The following TENM3 variants were observed in gnomAD, a reference collection of about 807,000 sequenced individuals.
The protein encoded by TENM3 is teneurin transmembrane protein 3.
In TENM3, 63 loss-of-function variants were observed where a neutral mutation model predicts 255.1. That is an observed-to-expected ratio of 0.25 (90% CI 0.20 to 0.30). TENM3 has a LOEUF of 0.30. Ranked by LOEUF, TENM3 falls within the 10% of genes least tolerant of loss-of-function variation. TENM3 has a pLI of 1.00. For synonymous variants in TENM3, 1,306 were observed against 1,322.3 expected (o/e 0.99, Z 0.27); for missense variants, 2,929 against 3,461.1 (o/e 0.85, Z 3.86).
At chr4:182,402,962 A>G (rs552039246) in intron 3 of TENM3, among the ~76,000 whole-genome samples, 1 of 152,316 alleles carries the variant, frequency 6.6e-6, no homozygotes, top group African/African-American at 2.4e-5. Flanking sequence ...ATGGAAATGT[A>G]TTTTTGTCCC....
the TENM3 span, among the ~76,000 whole-genome samples, chr4:182,043,570 A>G: frequency 6.6e-6 from 1 of 152,190 alleles, no homozygotes; most frequent in Non-Finnish European, 1.5e-5. Context: ...ATCATTACAC[A>G]AGCATACACT....
chr4:182,027,672 A>T, the TENM3 span, among the ~76,000 whole-genome samples: 1 of 151,756 alleles, frequency 6.6e-6, no homozygotes, highest in Non-Finnish European at 1.5e-5. Context: ...GGTTTTTATC[A>T]TGAAGGGATG....
At chr4:181,580,221 C>T in the TENM3 span, among the ~76,000 whole-genome samples, 1 of 152,036 alleles carries the variant, frequency 6.6e-6, no homozygotes, top group Non-Finnish European at 1.5e-5. Context: ...TGGGCTTGAA[C>T]TCCCAACCTC....
intron 3 of TENM3, among the ~76,000 whole-genome samples, chr4:182,455,143 C>G (rs561189652): frequency 3.3e-4 from 50 of 152,244 alleles, no homozygotes; most frequent in Admixed American, 2.1e-3. Flanking sequence ...AAAAATAGTT[C>G]GTTCAGGAGA....
intron 3 of TENM3, among the ~76,000 whole-genome samples, chr4:182,580,380 G>A (rs1169514443): frequency 6.6e-6 from 1 of 151,888 alleles, no homozygotes; most frequent in African/African-American, 2.4e-5. Context: ...CTCCGACTTC[G>A]GCTCTCATGT....
chr4:182,647,517 C>G (rs1453376824), intron 5 of TENM3, among the ~76,000 whole-genome samples: 1 of 152,114 alleles, frequency 6.6e-6, no homozygotes, highest in Non-Finnish European at 1.5e-5. Flanking sequence ...ACGTGAAGTC[C>G]TCAAGGTTTG....
At chr4:182,014,666 G>A in the TENM3 span, among the ~76,000 whole-genome samples, 1 of 152,004 alleles carries the variant, frequency 6.6e-6, no homozygotes, top group Non-Finnish European at 1.5e-5. Context: ...CTGATCCTGA[G>A]GTGAGAAGCA....
chr4:181,885,439 T>G, the TENM3 span, among the ~76,000 whole-genome samples: 1 of 152,230 alleles, frequency 6.6e-6, no homozygotes, highest in Admixed American at 6.5e-5. Context: ...ATTTTTATAT[T>G]TTTAGTAGAG....
intron 2 of TENM3, among the ~76,000 whole-genome samples, chr4:182,332,567 G>A (rs1405174312): frequency 6.6e-6 from 1 of 151,990 alleles, no homozygotes; most frequent in Middle Eastern, 3.2e-3. Context: ...GGTGGTGGGC[G>A]CCTGTAATCC....
the TENM3 span, among the ~76,000 whole-genome samples, chr4:181,705,057 A>C: frequency 0.46 from 69,457 of 150,058 alleles, 16,870 homozygotes; most frequent in East Asian, 0.62. Context: ...AAAACAAAAA[A>C]AAAAAAACAA....
chr4:182,635,588 C>G lies in TENM3; in HGVS notation c.988+6699C>G, dbSNP rs188837081. The stretch of plus-strand genomic sequence containing the variant: ...TCTTATGAGCTCCTGACAAGTATAG[C>G]AAACCGGAGAACTACTCAAATTTTT... On this transcript the variant is annotated intron_variant, in intron 5 of 27. Coordinates refer to ENST00000511685, the MANE Select transcript of TENM3 (RefSeq NM_001080477.4). Among the ~76,000 whole-genome samples the G allele has an allele frequency of 1.5e-4, 23 of 152,260 alleles. 2 individuals are homozygous for G. In the East Asian group the frequency reaches 4.2e-3, roughly 28 times the overall value.
the TENM3 span, among the ~76,000 whole-genome samples, chr4:181,821,399 A>T: frequency 6.6e-6 from 1 of 152,166 alleles, no homozygotes; most frequent in Admixed American, 6.5e-5. Context: ...CTGCGATATA[A>T]TCCTTTGTCA....
intron 3 of TENM3, among the ~76,000 whole-genome samples, chr4:182,565,285 G>T (rs1743662336): frequency 6.6e-6 from 1 of 152,132 alleles, no homozygotes; most frequent in Admixed American, 6.5e-5. Context: ...AACTGAGAAG[G>T]TAATAAATCA....
rs1354276538 is a variant in TENM3, at chr4:182,538,227, G to GCACAACAACA, written c.512-62697_512-62696insCACAACAACA. ...ACAATGTTATTAACAATTATTTATG[G>GCACAACAACA]AGTTCCCAGAGGCACAAGGCATTTG... On this transcript the variant is annotated intron_variant, in intron 3 of 27. Transcript: ENST00000511685. Among the ~76,000 whole-genome samples the GCACAACAACA allele has an allele frequency of 8.5e-5, 13 of 152,252 alleles. 1 individual carries two copies. Among genetic ancestry groups the GCACAACAACA allele is most frequent in the Middle Eastern group, 3.4e-3 (1 of 294 alleles).
the TENM3 span, among the ~76,000 whole-genome samples, chr4:181,805,248 C>G: frequency 2.6e-5 from 4 of 152,108 alleles, no homozygotes; most frequent in Non-Finnish European, 5.9e-5. Flanking sequence ...TTAACCTTCA[C>G]GCAAAACCGT....
intron 3 of TENM3, among the ~76,000 whole-genome samples, chr4:182,364,805 A>C (rs996859758): frequency 1.3e-5 from 2 of 152,176 alleles, no homozygotes; most frequent in Non-Finnish European, 2.9e-5. Context: ...ATTTATCATA[A>C]TTTAACATAT....
the TENM3 span, among the ~76,000 whole-genome samples, chr4:181,656,125 G>A: frequency 1.4e-4 from 21 of 152,200 alleles, no homozygotes; most frequent in African/African-American, 4.1e-4. Flanking sequence ...TCATTGTAAC[G>A]GCGAGCCTTG....
At chr4:181,501,812 C>T in the TENM3 span, among the ~76,000 whole-genome samples, 53 of 152,146 alleles carry the variant, frequency 3.5e-4, no homozygotes, top group African/African-American at 1.3e-3. Context: ...TATAAATAAA[C>T]TGAATTCAAT....
At chr4:181,624,116 T>C in the TENM3 span, among the ~76,000 whole-genome samples, 2 of 152,202 alleles carry the variant, frequency 1.3e-5, no homozygotes, top group Non-Finnish European at 2.9e-5. Flanking sequence ...GTCTACTATA[T>C]GAACATCTGT....
Sources: allele counts gnomAD v4.1 joint callset (sites outside exome capture counted in the v4.1 genomes callset), GRCh38; gene constraint gnomAD v4.1.1; transcripts MANE v1.5; gene names NCBI Gene and HGNC (gene_info 2026-07-23, HGNC 2026-07-21).